The following TMEM217 variants were observed in gnomAD, a reference collection of about 807,000 sequenced individuals.
The protein encoded by TMEM217 is chromosome 6 open reading frame 128.
For missense variants in TMEM217, 204 were observed against 248.8 expected (o/e 0.82, Z 1.21); for synonymous variants, 76 against 88.3 (o/e 0.86, Z 0.78).
At chr6:37,227,008 G>A (rs745955453) in intron 1 of TMEM217, among the ~76,000 whole-genome samples, 1 of 152,152 alleles carries the variant, frequency 6.6e-6, no homozygotes, top group African/African-American at 2.4e-5. Flanking sequence ...TAAGGTTATT[G>A]AGTGTTAGAG....
intron 1 of TMEM217, among the ~76,000 whole-genome samples, chr6:37,246,208 C>T (rs1047550438): frequency 1.3e-5 from 2 of 152,136 alleles, no homozygotes; most frequent in African/African-American, 4.8e-5. Flanking sequence ...TCAGCTTTTG[C>T]CACAACAATG....
At chr6:37,232,425 G>A (rs759647789) in intron 1 of TMEM217, among the ~76,000 whole-genome samples, 7 of 152,062 alleles carry the variant, frequency 4.6e-5, no homozygotes, top group African/African-American at 1.4e-4. Context: ...TCGCTCTGTC[G>A]CCCAGGCTGG....
chr6:37,219,541 G>A (rs916051856), intron 1 of TMEM217, among the ~76,000 whole-genome samples: 33 of 152,258 alleles, frequency 2.2e-4, no homozygotes, highest in African/African-American at 7.7e-4. Context: ...AGCAGTTCAA[G>A]ACCAGCCTGG....
chr6:37,243,658 G>T (rs1764906105), intron 1 of TMEM217, among the ~76,000 whole-genome samples: 1 of 152,184 alleles, frequency 6.6e-6, no homozygotes, highest in African/African-American at 2.4e-5. Context: ...GAGTGCAATG[G>T]CATGATCTCG....
In TMEM217 at chr6:37,235,374, A is replaced by AT. The variant is rs1401032144; in HGVS notation, c.-11-16334dup. 3.7e-3 allele frequency among the ~76,000 whole-genome samples: 554 copies of AT among 151,232 alleles called. 3 individuals carry two copies. The highest frequency in any genetic ancestry group is 0.012 in the African/African-American group (486 of 41,254). On this transcript the variant is annotated intron_variant, in intron 1 of 1. Coordinates refer to ENST00000357219, the Ensembl canonical transcript of TMEM217. ...ATACAAATGTATTTCTTTTATTATT[A>AT]TTTTTTTTTGAGACAGAGTCTTGCT...
At chr6:37,229,349 T>TTTTTC (rs1562010377) in intron 1 of TMEM217, among the ~76,000 whole-genome samples, 1 of 134,792 alleles carries the variant, frequency 7.4e-6, no homozygotes, top group East Asian at 2.2e-4. Flanking sequence ...TTTTTTTTTT[T>TTTTTC]TTTTTTTTTT....
exon 2 of TMEM217, chr6:37,218,238 C>T (rs923810807): frequency 1.1e-5 from 15 of 1,325,230 alleles, no homozygotes; most frequent in Admixed American, 3.3e-5. Context: ...GGCGCAATCT[C>T]GGCTCACTGC....
intron 1 of TMEM217, among the ~76,000 whole-genome samples, chr6:37,237,468 C>G (rs1377292947): frequency 1.3e-5 from 2 of 152,150 alleles, no homozygotes; most frequent in African/African-American, 4.8e-5. Flanking sequence ...AAGTCGTTTG[C>G]AAGAAATTAT....
At chr6:37,241,761 T>C (rs907836585) in intron 1 of TMEM217, among the ~76,000 whole-genome samples, 2 of 152,180 alleles carry the variant, frequency 1.3e-5, no homozygotes, top group Non-Finnish European at 2.9e-5. Context: ...TAAGCTTGAA[T>C]TCTTAGAGAC....
At chr6:37,229,833 A>G (rs1562010878) in intron 1 of TMEM217, among the ~76,000 whole-genome samples, 1 of 152,216 alleles carries the variant, frequency 6.6e-6, no homozygotes, top group East Asian at 1.9e-4. Context: ...ACACACAGTT[A>G]TAATAGTATC....
intron 1 of TMEM217, among the ~76,000 whole-genome samples, chr6:37,252,694 C>T (rs1765512987): frequency 1.4e-5 from 2 of 140,454 alleles, no homozygotes; most frequent in Non-Finnish European, 1.5e-5. Flanking sequence ...GGCTGGAGTG[C>T]AATGGCACAA....
Position 37,219,051 on chromosome 6 carries a change from C to CA in TMEM217, c.-11-11dup. 1 of 1,602,634 alleles carries CA rather than the reference C, an allele frequency of 6.2e-7. No homozygotes were observed. Among genetic ancestry groups the CA allele is most frequent in the Non-Finnish European group, 8.5e-7 (1 of 1,172,268 alleles). ...TTCATGCTGAGACCTCCTGTGAAGA[C>CA]AAACAACATGAGGGAGAATTCTAGT... On this transcript the variant is annotated splice_polypyrimidine_tract_variant and intron_variant, in intron 1 of 1. Transcript: ENST00000357219.
At chr6:37,253,225 A>G (rs1301880156) in intron 1 of TMEM217, among the ~76,000 whole-genome samples, 1 of 152,180 alleles carries the variant, frequency 6.6e-6, no homozygotes, top group African/African-American at 2.4e-5. Context: ...TGCACACCAT[A>G]ATTTACATAA....
chr6:37,249,403 T>A (rs371367565), intron 1 of TMEM217, among the ~76,000 whole-genome samples: 12 of 152,140 alleles, frequency 7.9e-5, no homozygotes, highest in Admixed American at 5.9e-4. Flanking sequence ...CACTGCAACC[T>A]CCACTTTCCA....
rs541373432 is a variant in TMEM217, at chr6:37,229,316, G to A, written c.-11-10275C>T. Among the ~76,000 whole-genome samples, 20 of 132,384 alleles carry A rather than the reference G, an allele frequency of 1.5e-4. No individual in the cohort carries two copies. The South Asian group carries it at 4.7e-3, about 31-fold the overall frequency. 86.8% of individuals were successfully genotyped at this position (132,384 alleles called of 152,430 possible). A position where few individuals can be genotyped will look rare whatever the true frequency, so the allele number is the denominator to read the frequency against. On this transcript the variant is annotated intron_variant, in intron 1 of 1. Transcript: ENST00000357219. Reference sequence around the variant, plus strand: ...AACAGGACTTTGGAAAATCTGACTCGTCTCCCTAGCAACTTTCAGTTTTTT... The same window carrying A: ...AACAGGACTTTGGAAAATCTGACTCATCTCCCTAGCAACTTTCAGTTTTTT...
intron 1 of TMEM217, among the ~76,000 whole-genome samples, chr6:37,252,454 T>C (rs1337479758): frequency 1.3e-5 from 2 of 151,746 alleles, no homozygotes; most frequent in Admixed American, 6.6e-5. Context: ...CTGGTTGACA[T>C]ACATACATAC....
Position 37,218,407 on chromosome 6 carries a change from C to T in TMEM217, c.*15G>A. The T allele has an allele frequency of 6.4e-7, 1 of 1,559,782 alleles. No individual in the cohort carries two copies. The highest frequency in any genetic ancestry group is 8.7e-7 in the Non-Finnish European group (1 of 1,144,648). ...GGCCAGGCTGGTCTTGAACTCCTGA[C>T]CTCAGGCGATCCACCTACCTCTGCC... On this transcript the variant is annotated 3_prime_UTR_variant, in exon 2 of 2. Coordinates refer to ENST00000357219, the Ensembl canonical transcript of TMEM217.
At chr6:37,217,522 G>T, downstream of TMEM217, 1 of 566,466 alleles carries the variant, frequency 1.8e-6, no homozygotes, top group Non-Finnish European at 2.2e-6. Context: ...ACACTACAGA[G>T]TACAGCACAG....
chr6:37,246,178 C>CT (rs937382628), intron 1 of TMEM217, among the ~76,000 whole-genome samples: 2 of 152,154 alleles, frequency 1.3e-5, no homozygotes, highest in African/African-American at 4.8e-5. Flanking sequence ...TACTTCTCCT[C>CT]TAATTCTCTC....
Sources: allele counts gnomAD v4.1 joint callset (sites outside exome capture counted in the v4.1 genomes callset), GRCh38; gene constraint gnomAD v4.1.1; transcripts MANE v1.5; gene names NCBI Gene and HGNC (gene_info 2026-07-23, HGNC 2026-07-21).